The following SAMD12 variants were observed in gnomAD, a reference collection of about 807,000 sequenced individuals.
The protein encoded by SAMD12 is sterile alpha motif domain-containing protein 12.
In SAMD12, 9 loss-of-function variants were observed where a neutral mutation model predicts 15.0. The ratio of observed to expected loss-of-function variants is 0.60; its 90% confidence interval spans 0.36 to 1.05. The LOEUF is 1.05. Among genes scored for constraint, SAMD12 ranks in the 50% least tolerant of loss-of-function variants. The probability of loss-of-function intolerance (pLI) is 0.01; values close to 1 mark genes in which losing one functional copy is unlikely to be tolerated. For missense variants in SAMD12, 230 were observed against 234.2 expected (o/e 0.98, Z 0.12); for synonymous variants, 86 against 90.1 (o/e 0.96, Z 0.25).
chr8:118,184,260 G>A, the SAMD12 span, among the ~76,000 whole-genome samples: 1 of 152,252 alleles, frequency 6.6e-6, no homozygotes, highest in South Asian at 2.1e-4. Context: ...ATGAATACAA[G>A]AGGAAAACAA....
chr8:118,206,922 G>A (rs994134895), intron 4 of SAMD12, among the ~76,000 whole-genome samples: 2 of 152,200 alleles, frequency 1.3e-5, no homozygotes, highest in Non-Finnish European at 2.9e-5. Context: ...TCTGTTGTGT[G>A]TGGTAGAATG....
chr8:118,545,501 G>C (rs1826099903), intron 2 of SAMD12, among the ~76,000 whole-genome samples: 1 of 151,972 alleles, frequency 6.6e-6, no homozygotes, highest in South Asian at 2.1e-4. Context: ...AAGAATCCCA[G>C]GCAATTCTAA....
At chr8:118,183,277 A>G in the SAMD12 span, among the ~76,000 whole-genome samples, 11 of 152,198 alleles carry the variant, frequency 7.2e-5, no homozygotes, top group African/African-American at 2.2e-4. Context: ...CTTCTATCAT[A>G]TCTTCTTCAC....
chr8:118,433,412 C>CTTTTTTTTTTTTTTTTTTTTTTTTTT (rs67140443), intron 3 of SAMD12, among the ~76,000 whole-genome samples: 1 of 148,192 alleles, frequency 6.7e-6, no homozygotes, highest in Admixed American at 6.7e-5. Flanking sequence ...TTGAAAGGGT[C>CTTTTTTTTTTTTTTTTTTTTTTTTTT]TTTTTTTTTT....
At chr8:118,241,097 A>G (rs1586376198) in intron 4 of SAMD12, among the ~76,000 whole-genome samples, 1 of 152,142 alleles carries the variant, frequency 6.6e-6, no homozygotes, top group East Asian at 1.9e-4. Context: ...AGAGTCCAAT[A>G]TTTCTCTCCC....
Position 118,592,660 on chromosome 8 carries a change from TTATTAA to T in SAMD12, c.14-11773_14-11768del, listed in dbSNP as rs148844833. The stretch of plus-strand genomic sequence containing the variant: ...GCTGTAATTATTACTTCCTTTACTG[TTATTAA>T]TATTATTTTAATGATATTGATTTCT... On this transcript the variant is annotated intron_variant, in intron 1 of 3. Transcript: ENST00000314727. Among the ~76,000 whole-genome samples the T allele has an allele frequency of 4.7e-3, 718 of 152,300 alleles. 8 individuals carry two copies. Among genetic ancestry groups the T allele is most frequent in the African/African-American group, 0.016 (678 of 41,564 alleles).
rs548423552 is a variant in SAMD12 at position 118,277,499 on chromosome 8, T to C, written c.434-79767A>G. Among the ~76,000 whole-genome samples the C allele has an allele frequency of 3.3e-5, 5 of 152,234 alleles. No individual in the cohort carries two copies. The East Asian group carries it at 9.6e-4, about 29-fold the overall frequency. On this transcript the variant is annotated intron_variant, in intron 4 of 4. Transcript: ENST00000409003. ...TATACTTTGGTTTTGATGCAATCAT[T>C]TCCTTATGTAGTTTTAACAGGTTTA...
At chr8:118,286,952 G>A (rs1814059397) in intron 4 of SAMD12, among the ~76,000 whole-genome samples, 1 of 152,148 alleles carries the variant, frequency 6.6e-6, no homozygotes, top group African/African-American at 2.4e-5. Flanking sequence ...GTGCACTGAA[G>A]CACCTCACTC....
intron 3 of SAMD12, among the ~76,000 whole-genome samples, chr8:118,406,100 T>C (rs1211260977): frequency 6.6e-6 from 1 of 152,074 alleles, no homozygotes; most frequent in African/African-American, 2.4e-5. Context: ...ATTTTCCTCC[T>C]ACTACAAAAG....
chr8:118,550,487 T>C (rs886916503), intron 2 of SAMD12, among the ~76,000 whole-genome samples: 1 of 152,110 alleles, frequency 6.6e-6, no homozygotes, highest in African/African-American at 2.4e-5. Flanking sequence ...CTGAGAGATT[T>C]TGTCACCAGC....
At chr8:118,423,226 G>T (rs1822084540) in intron 3 of SAMD12, among the ~76,000 whole-genome samples, 2 of 152,060 alleles carry the variant, frequency 1.3e-5, no homozygotes, top group African/African-American at 4.8e-5. Context: ...AAAGCATTCT[G>T]TAATGTAGCT....
intron 4 of SAMD12, among the ~76,000 whole-genome samples, chr8:118,355,557 G>A (rs936577015): frequency 6.6e-5 from 10 of 152,100 alleles, no homozygotes; most frequent in African/African-American, 9.7e-5. Context: ...AATAATTAAC[G>A]CAAAGGTATA....
intron 3 of SAMD12, among the ~76,000 whole-genome samples, chr8:118,438,226 G>A (rs533766767): frequency 1.3e-5 from 2 of 152,272 alleles, no homozygotes; most frequent in South Asian, 4.1e-4. Flanking sequence ...GGGAGTGACA[G>A]AGAGGAAATG....
chr8:118,326,151 T>C (rs1461083997), intron 4 of SAMD12, among the ~76,000 whole-genome samples: 1 of 152,196 alleles, frequency 6.6e-6, no homozygotes, highest in Non-Finnish European at 1.5e-5. Context: ...TGGATACATA[T>C]ATGTATATAC....
chr8:118,593,093 T>C (rs1379521855), intron 1 of SAMD12, among the ~76,000 whole-genome samples: 1 of 152,208 alleles, frequency 6.6e-6, no homozygotes, highest in Admixed American at 6.5e-5. Flanking sequence ...CTCCATCCCT[T>C]GTTGCACTTG....
intron 3 of SAMD12, chr8:118,394,892 A>G (rs1189030898): frequency 6.6e-6 from 1 of 152,294 alleles, no homozygotes; most frequent in Non-Finnish European, 1.5e-5. Flanking sequence ...TGGGAAGGGC[A>G]CTGGCTGGCT....
rs550007810 is a variant in SAMD12 at position 118,539,670 on chromosome 8, G to A, written c.192+41045C>T. Among the ~76,000 whole-genome samples the A allele has an allele frequency of 6.6e-5, 10 of 152,260 alleles. No individual in the cohort carries two copies. In the South Asian group the frequency reaches 2.1e-3, roughly 32 times the overall value. ...ACAGGTGGGCCACTAGCTCTCATCA[G>A]GCAATCACATTCTCTCTTTTTCAGA... is the stretch of plus-strand genomic sequence containing the variant. On this transcript the variant is annotated intron_variant, in intron 2 of 3. Transcript: ENST00000314727.
At chr8:118,152,458 A>AACTT in the SAMD12 span, among the ~76,000 whole-genome samples, 8 of 114,236 alleles carry the variant, frequency 7.0e-5, no homozygotes, top group Admixed American at 5.8e-4. Flanking sequence ...CTCCCTCCCT[A>AACTT]CCTTCCTTCC....
the SAMD12 span, among the ~76,000 whole-genome samples, chr8:118,145,870 G>T: frequency 1.3e-5 from 2 of 152,198 alleles, no homozygotes; most frequent in South Asian, 2.1e-4. Context: ...TGCCCAAAAA[G>T]ATCGTGGCCT....
Sources: gnomAD v4.1 joint callset for allele counts (sites outside exome capture counted in the v4.1 genomes callset) on GRCh38, gnomAD v4.1.1 for gene constraint, MANE v1.5 for transcripts, NCBI Gene and HGNC (gene_info 2026-07-23, HGNC 2026-07-21) for gene names.